CNOT10: variants seen among roughly 807,000 people sequenced by gnomAD.
CNOT10 encodes CCR4-NOT transcription complex, subunit 10.
Under a neutral mutation model 94.6 loss-of-function variants are expected in CNOT10, and 30 were observed. The ratio of observed to expected loss-of-function variants is 0.32; its 90% CI spans 0.24 to 0.43. The LOEUF (loss-of-function observed/expected upper bound fraction) is 0.43. Ranked by LOEUF, CNOT10 falls within the 20% of genes least tolerant of loss-of-function variation. The pLI, the probability that CNOT10 is intolerant of heterozygous loss-of-function variation, is 1.00. For synonymous variants in CNOT10, 289 were observed against 301.6 expected (o/e 0.96, Z 0.43); for missense variants, 759 against 877.2 (o/e 0.87, Z 1.70).
Position 32,765,670 on chromosome 3 carries a change from CAAAA to C in CNOT10, c.2004+862_2004+865del, listed in dbSNP as rs1248570829. 3.9e-5 allele frequency among the ~76,000 whole-genome samples: 2 copies of C among 51,572 alleles called. 1 individual carries two copies. Among genetic ancestry groups the C allele is most frequent in the Non-Finnish European group, 8.8e-5 (2 of 22,850 alleles). 33.8% of individuals were successfully genotyped at this position (51,572 alleles called of 152,430 possible). A position where few individuals can be genotyped will look rare whatever the true frequency, so the allele number is the denominator to read the frequency against. On this transcript the variant is annotated intron_variant, in intron 17 of 18. Coordinates refer to ENST00000328834, the MANE Select transcript of CNOT10 (RefSeq NM_015442.3). Reference sequence around the variant, plus strand: ...ACCCTGTCCCCCCAAAAAAAAAAGACAAAAGAAGTAAGTTGACAGTTTTAATTAT... The same window carrying C: ...ACCCTGTCCCCCCAAAAAAAAAAGACGAAGTAAGTTGACAGTTTTAATTAT...
chr3:32,727,783 A>T lies in CNOT10; in HGVS notation c.1128A>T (p.Glu376Asp), dbSNP rs143815511. 1.2e-6 allele frequency: 2 copies of T among 1,613,926 alleles called. No individual in the cohort carries two copies. Among genetic ancestry groups the T allele is most frequent in the Non-Finnish European group, 1.7e-6 (2 of 1,180,004 alleles). The change falls in exon 10 of 19, where the codon GAA becomes GAT. Residue 376 changes from glutamate (E) to aspartate (D), a missense_variant. Physicochemically the swap from Glu to Asp is conservative, Grantham distance 45. Around this residue, in one of 3 missense-constraint regions of CNOT10, gnomAD observed 682 missense variants for 799.4 expected, o/e 0.85. Coordinates refer to ENST00000328834, the MANE Select transcript of CNOT10 (RefSeq NM_015442.3). The part of the protein sequence containing the change: ...LHIGRPLAAF[E>D]CLIEAVQVYH... ...TTGGAAGGCCTCTTGCTGCCTTCGAATGTCTGATTGAAGCTGTTCAGGTTT... is the reference window on the plus strand; with the variant it reads ...TTGGAAGGCCTCTTGCTGCCTTCGATTGTCTGATTGAAGCTGTTCAGGTTT...
intron 14 of CNOT10, 135 bp from the exon 15 acceptor site, chr3:32,762,598 T>C (rs1453428564): frequency 1.1e-6 from 1 of 915,286 alleles, no homozygotes; most frequent in Non-Finnish European, 1.6e-6. Flanking sequence ...TAAATAAATT[T>C]AGATTTCAAT....
At chr3:32,747,777 G>A (rs375264427) in intron 13 of CNOT10, among the ~76,000 whole-genome samples, 10 of 152,068 alleles carry the variant, frequency 6.6e-5, no homozygotes, top group East Asian at 1.9e-4. Flanking sequence ...GTGAAACCCC[G>A]TCTCTACTAA....
At chr3:32,705,003 AT>A (rs1697549602) in intron 3 of CNOT10, 31 bp downstream of exon 3, 20 of 1,380,722 alleles carry the variant, frequency 1.4e-5, no homozygotes, top group Non-Finnish European at 1.7e-5. Flanking sequence ...ACTATAAAAA[AT>A]ATTGTTCTGT....
At chr3:32,771,612 T>A (rs1441027290) in intron 18 of CNOT10, among the ~76,000 whole-genome samples, 1 of 151,716 alleles carries the variant, frequency 6.6e-6, no homozygotes, top group Non-Finnish European at 1.5e-5. Context: ...ATAATAATAA[T>A]AATAAATACC....
intron 13 of CNOT10, among the ~76,000 whole-genome samples, chr3:32,749,405 ATTT>A (rs61077906): frequency 6.2e-5 from 6 of 96,246 alleles, no homozygotes; most frequent in Non-Finnish European, 8.1e-5. Flanking sequence ...TGTTGAGTTA[ATTT>A]TTTTTTTTTT....
rs531932155 is a variant in CNOT10 at position 32,715,118 on chromosome 3, C to T, written c.574-1107C>T. On this transcript the variant is annotated intron_variant, in intron 5 of 18. Coordinates refer to ENST00000328834, the MANE Select transcript of CNOT10 (RefSeq NM_015442.3). ...AGATGCTTATGTGCTCTGCCCGGTT[C>T]TAAGGTACTCTGCTAGGTACTAAGG... is the stretch of plus-strand genomic sequence containing the variant. Among the ~76,000 whole-genome samples the T allele has an allele frequency of 1.6e-3, 246 of 152,284 alleles. 1 individual carries two copies. The highest frequency in any genetic ancestry group is 5.8e-3 in the African/African-American group (239 of 41,552).
intron 1 of CNOT10, among the ~76,000 whole-genome samples, chr3:32,688,562 A>G (rs1696721956): frequency 6.6e-6 from 1 of 151,844 alleles, no homozygotes; most frequent in Non-Finnish European, 1.5e-5. Context: ...GCACCACTGC[A>G]CTCCAGGCTG....
intron 13 of CNOT10, among the ~76,000 whole-genome samples, chr3:32,738,080 T>C (rs1004618984): frequency 1.3e-5 from 2 of 152,174 alleles, no homozygotes; most frequent in African/African-American, 4.8e-5. Context: ...ATAAATGAGT[T>C]GAGAAGTGCT....
chr3:32,738,525 C>T (rs931243162), intron 13 of CNOT10, among the ~76,000 whole-genome samples: 3 of 149,052 alleles, frequency 2.0e-5, no homozygotes, highest in Non-Finnish European at 4.5e-5. Flanking sequence ...TGCAGTGGCG[C>T]GATCTCGGCT....
chr3:32,710,035 A>G (rs1697808719), intron 4 of CNOT10, among the ~76,000 whole-genome samples: 1 of 151,342 alleles, frequency 6.6e-6, no homozygotes, highest in Admixed American at 6.6e-5. Context: ...AATCCCAGCT[A>G]CTCAGGAAGG....
At position 32,734,964 on chromosome 3, in the gene CNOT10, G is replaced by A. The variant is rs1306508784; in HGVS notation, c.1502G>A (p.Ser501Asn). 2.5e-6 allele frequency: 4 copies of A among 1,613,178 alleles called. No homozygotes were observed. The highest frequency in any genetic ancestry group is 1.7e-4 in the Middle Eastern group (1 of 6,038). ...GGGAACACAGAGAGCAGCGAAAGCA[G>A]TGAAACTTGCAGGTATTCTAATCCT... Reference protein sequence around the residue: ...LGGNTESSESSETCSSKSHDG... With the variant: ...LGGNTESSESNETCSSKSHDG... The change falls in exon 12 of 19, where the codon AGT (serine) becomes AAT (asparagine). Residue 501 changes from serine (S) to asparagine (N), a missense_variant. Physicochemically the swap from Ser to Asn is conservative, Grantham distance 46. This residue lies in a region of CNOT10 where 682 missense variants were observed against 799.4 expected (regional missense o/e 0.85). Transcript: ENST00000328834.
chr3:32,735,344 C>CAAAAAAAAAAAA (rs1267480500), intron 12 of CNOT10, among the ~76,000 whole-genome samples: 7 of 150,998 alleles, frequency 4.6e-5, no homozygotes, highest in South Asian at 2.1e-4. Context: ...GACTTCATCT[C>CAAAAAAAAAAAA]AAAAAAGAAA....
chr3:32,744,514 C>G (rs1699611406), intron 13 of CNOT10, among the ~76,000 whole-genome samples: 1 of 151,916 alleles, frequency 6.6e-6, no homozygotes, highest in Non-Finnish European at 1.5e-5. Flanking sequence ...TTCATTCTAA[C>G]CAATTTACCA....
chr3:32,750,850 A>C (rs1445376301), intron 13 of CNOT10, among the ~76,000 whole-genome samples: 1 of 152,128 alleles, frequency 6.6e-6, no homozygotes, highest in Non-Finnish European at 1.5e-5. Flanking sequence ...GGGCCCAGCT[A>C]TATAACAATA....
chr3:32,718,618 C>T (rs980163263), intron 7 of CNOT10, among the ~76,000 whole-genome samples: 1 of 149,222 alleles, frequency 6.7e-6, no homozygotes, highest in Non-Finnish European at 1.5e-5. Flanking sequence ...ATAATTCCTG[C>T]CTTAAAGGAG....
intron 1 of CNOT10, among the ~76,000 whole-genome samples, chr3:32,691,916 GGC>G (rs1214708063): frequency 6.6e-6 from 1 of 151,980 alleles, no homozygotes; most frequent in African/African-American, 2.4e-5. Flanking sequence ...AATTAGTGGT[GGC>G]GCATGCCTGT....
At position 32,752,013 on chromosome 3, in the gene CNOT10, C is replaced by T. The variant is rs758962377; in HGVS notation, c.1596-7445C>T. On this transcript the variant is annotated intron_variant, in intron 13 of 18. Transcript: ENST00000328834. The stretch of plus-strand genomic sequence containing the variant: ...CCAGGGTTAAAATAATTCTTCAGGC[C>T]AGGTGGAATGGCTCACTGTAATCCC... Among the ~76,000 whole-genome samples the T allele has an allele frequency of 1.1e-4, 16 of 152,072 alleles. 1 individual carries two copies. Among genetic ancestry groups the T allele is most frequent in the Non-Finnish European group, 1.6e-4 (11 of 68,012 alleles).
intron 13 of CNOT10, among the ~76,000 whole-genome samples, chr3:32,750,072 A>G (rs1699891579): frequency 6.6e-6 from 1 of 152,096 alleles, no homozygotes; most frequent in Non-Finnish European, 1.5e-5. Flanking sequence ...TAGTCTGGTC[A>G]TGATAGCGCG....
Sources: gnomAD v4.1 joint callset for allele counts (sites outside exome capture counted in the v4.1 genomes callset) on GRCh38, gnomAD v4.1.1 for gene constraint, gnomAD v4.1.1 regional missense constraint, MANE v1.5 for transcripts, NCBI Gene and HGNC (gene_info 2026-07-23, HGNC 2026-07-21) for gene names.